CADM2: variants seen among roughly 807,000 people sequenced by gnomAD.
CADM2 encodes the protein cell adhesion molecule 2.
Under a neutral mutation model 49.8 loss-of-function variants are expected in CADM2, and 12 were observed. The observed-to-expected ratio is 0.24, with a 90% CI of 0.15 to 0.39. The LOEUF (loss-of-function observed/expected upper bound fraction) is 0.39. CADM2 is among the 10% of genes least tolerant of loss of function. The pLI, the probability that CADM2 is intolerant of heterozygous loss-of-function variation, is 1.00. For missense variants in CADM2, 378 were observed against 492.3 expected (o/e 0.77, Z 2.20); for synonymous variants, 214 against 175.4 (o/e 1.22, Z -1.74).
intron 7 of CADM2, among the ~76,000 whole-genome samples, chr3:85,944,245 A>G (rs1363521901): frequency 6.6e-6 from 1 of 152,158 alleles, no homozygotes; most frequent in African/African-American, 2.4e-5. Context: ...ATATGCGCCC[A>G]ATACAGGAGC....
intron 5 of CADM2, among the ~76,000 whole-genome samples, chr3:85,896,206 A>T (rs1196364169): frequency 1.3e-5 from 2 of 152,134 alleles, no homozygotes; most frequent in Admixed American, 1.3e-4. Context: ...AGATCATTTG[A>T]ATCTGGAAGT....
In CADM2 at chr3:85,574,596, A is replaced by G. The variant is rs145225276; in HGVS notation, c.62-151926A>G. 2.6e-3 allele frequency among the ~76,000 whole-genome samples: 393 copies of G among 152,322 alleles called. 4 individuals are homozygous for G. Among genetic ancestry groups the G allele is most frequent in the African/African-American group, 9.2e-3 (382 of 41,564 alleles). On this transcript the variant is annotated intron_variant, in intron 1 of 9. Transcript: ENST00000383699. ...TTTCCCTGGTATTACTAACCTTCAA[A>G]GACTTAGTTGTTTCATCTCTTTTAG...
intron 7 of CADM2, among the ~76,000 whole-genome samples, chr3:85,954,565 CCTCTT>C (rs2108595673): frequency 6.6e-6 from 1 of 151,190 alleles, no homozygotes; most frequent in South Asian, 2.1e-4. Context: ...TAATATTTCT[CCTCTT>C]CTCCTTTTTT....
chr3:85,547,025 TA>T (rs1322412110), intron 1 of CADM2, among the ~76,000 whole-genome samples: 2 of 152,100 alleles, frequency 1.3e-5, no homozygotes, highest in Non-Finnish European at 2.9e-5. Flanking sequence ...CTTATTTTTT[TA>T]ATGTCTGGAA....
At chr3:85,452,594 C>G (rs1034739213) in intron 1 of CADM2, among the ~76,000 whole-genome samples, 1 of 151,960 alleles carries the variant, frequency 6.6e-6, no homozygotes, top group African/African-American at 2.4e-5. Flanking sequence ...AAGAGACAAA[C>G]AGTTGTTCCA....
chr3:85,714,690 A>G (rs1379359615), intron 1 of CADM2, among the ~76,000 whole-genome samples: 1 of 152,144 alleles, frequency 6.6e-6, no homozygotes, highest in Admixed American at 6.5e-5. Flanking sequence ...TCAGCCTCCC[A>G]AAGTGCTGGG....
At chr3:85,533,554 A>G (rs1319680859) in intron 1 of CADM2, among the ~76,000 whole-genome samples, 1 of 152,196 alleles carries the variant, frequency 6.6e-6, no homozygotes, top group Non-Finnish European at 1.5e-5. Flanking sequence ...GGCAAGTGTC[A>G]TTAAGACAGG....
At chr3:86,052,242 G>A (rs1737429394) in intron 8 of CADM2, among the ~76,000 whole-genome samples, 1 of 152,088 alleles carries the variant, frequency 6.6e-6, no homozygotes, top group Non-Finnish European at 1.5e-5. Flanking sequence ...GTCTGTACCT[G>A]TAAATTGTAT....
chr3:85,525,178 A>G (rs756991605), intron 1 of CADM2, among the ~76,000 whole-genome samples: 2 of 152,212 alleles, frequency 1.3e-5, no homozygotes, highest in Non-Finnish European at 2.9e-5. Flanking sequence ...AATAAAACAT[A>G]AAGTTTTACA....
chr3:85,318,179 A>AC (rs1456102632), intron 1 of CADM2, among the ~76,000 whole-genome samples: 1 of 151,206 alleles, frequency 6.6e-6, no homozygotes, highest in Non-Finnish European at 1.5e-5. Flanking sequence ...CAGAAAAAAA[A>AC]AAAAGAAAAA....
chr3:85,056,150 A>T, intron 1 of CADM2, among the ~76,000 whole-genome samples: 1 of 152,090 alleles, frequency 6.6e-6, no homozygotes, highest in Non-Finnish European at 1.5e-5. Context: ...TATATCTAGC[A>T]CTTTCTCTTC....
chr3:85,818,064 C>G (rs754149281), intron 3 of CADM2, among the ~76,000 whole-genome samples: 2 of 152,032 alleles, frequency 1.3e-5, no homozygotes, highest in Admixed American at 6.6e-5. Context: ...ACAAAAATGG[C>G]TGTGTTGTGG....
At chr3:85,083,459 G>A (rs1222551496) in intron 1 of CADM2, among the ~76,000 whole-genome samples, 4 of 152,118 alleles carry the variant, frequency 2.6e-5, no homozygotes, top group East Asian at 1.9e-4. Context: ...TGTGCACACC[G>A]TTCTTTTGAA....
intron 8 of CADM2, among the ~76,000 whole-genome samples, chr3:85,985,339 G>C (rs1279216850): frequency 6.6e-6 from 1 of 151,844 alleles, no homozygotes; most frequent in Non-Finnish European, 1.5e-5. Context: ...TTCACCTCAT[G>C]ATTTAATCAC....
At chr3:85,664,344 C>T (rs1490365249) in intron 1 of CADM2, among the ~76,000 whole-genome samples, 1 of 151,970 alleles carries the variant, frequency 6.6e-6, no homozygotes, top group Non-Finnish European at 1.5e-5. Flanking sequence ...TAATCATGTT[C>T]AAAATTCTGT....
intron 1 of CADM2, among the ~76,000 whole-genome samples, chr3:85,721,380 C>T (rs1178687880): frequency 6.6e-6 from 1 of 152,118 alleles, no homozygotes; most frequent in Non-Finnish European, 1.5e-5. Context: ...TGGCTGGTGG[C>T]ACCTTTCCTG....
At chr3:85,484,838 A>G (rs2039352866) in intron 1 of CADM2, among the ~76,000 whole-genome samples, 1 of 152,004 alleles carries the variant, frequency 6.6e-6, no homozygotes, top group African/African-American at 2.4e-5. Context: ...AATCATTTTT[A>G]TAAACACAAA....
chr3:85,487,968 C>T (rs1379048829), intron 1 of CADM2, among the ~76,000 whole-genome samples: 2 of 152,114 alleles, frequency 1.3e-5, no homozygotes, highest in Non-Finnish European at 2.9e-5. Flanking sequence ...ATAGATATAA[C>T]ATTTAACTTA....
At chr3:85,019,865 G>A (rs1041140553) in intron 1 of CADM2, among the ~76,000 whole-genome samples, 2 of 152,042 alleles carry the variant, frequency 1.3e-5, no homozygotes, top group Non-Finnish European at 2.9e-5. Flanking sequence ...AATGGTTAAC[G>A]TCCAGTTCAA....
Sources: gnomAD v4.1 joint callset for allele counts (sites outside exome capture counted in the v4.1 genomes callset) on GRCh38, gnomAD v4.1.1 for gene constraint, MANE v1.5 for transcripts, NCBI Gene and HGNC (gene_info 2026-07-23, HGNC 2026-07-21) for gene names.